SGIP1: variants seen among roughly 807,000 people sequenced by gnomAD.
SGIP1 encodes the protein SH3GL interacting endocytic adaptor 1, also known as SH3-containing GRB2-like protein 3-interacting protein 1.
Under a neutral mutation model 107.5 loss-of-function variants are expected in SGIP1, and 38 were observed. The ratio of observed to expected loss-of-function variants is 0.35; its 90% CI spans 0.27 to 0.46. The LOEUF (loss-of-function observed/expected upper bound fraction) is 0.46, where lower values mean the gene tolerates loss of function less well. SGIP1 is among the 20% of genes least tolerant of loss of function. SGIP1 has a pLI of 1.00. For missense variants in SGIP1, 929 were observed against 1,019.5 expected, an observed-to-expected ratio of 0.91 and a Z score of 1.21; for synonymous variants, 365 against 366.1, an observed-to-expected ratio of 1.00 and a Z score of 0.03.
chr1:66,560,709 T>C (rs2058807117), intron 1 of SGIP1, among the ~76,000 whole-genome samples: 1 of 152,084 alleles, frequency 6.6e-6, no homozygotes, highest in Admixed American at 6.6e-5. Context: ...TAAATGTTAC[T>C]TTTTAAAAAA....
intron 1 of SGIP1, among the ~76,000 whole-genome samples, chr1:66,574,111 C>T (rs944838890): frequency 2.0e-5 from 3 of 152,212 alleles, no homozygotes; most frequent in African/African-American, 4.8e-5. Flanking sequence ...GAGCCTCCCA[C>T]GCAGTCATTC....
chr1:66,683,187 T>G (rs1030336982), intron 15 of SGIP1, among the ~76,000 whole-genome samples: 32 of 152,318 alleles, frequency 2.1e-4, no homozygotes, highest in African/African-American at 7.7e-4. Flanking sequence ...TATCAATATT[T>G]TCAAATGCAT....
intron 1 of SGIP1, among the ~76,000 whole-genome samples, chr1:66,579,901 T>C (rs1157854021): frequency 6.6e-6 from 1 of 152,120 alleles, no homozygotes; most frequent in African/African-American, 2.4e-5. Flanking sequence ...ATTCCTGATT[T>C]CTCTCCATTT....
At chr1:66,658,102 C>G (rs575409240) in intron 7 of SGIP1, among the ~76,000 whole-genome samples, 1 of 151,990 alleles carries the variant, frequency 6.6e-6, no homozygotes, top group Non-Finnish European at 1.5e-5. Flanking sequence ...GAGGGGTAAC[C>G]TTTATCATTT....
At chr1:66,731,837 T>C (rs1162790818) in intron 20 of SGIP1, among the ~76,000 whole-genome samples, 1 of 152,226 alleles carries the variant, frequency 6.6e-6, no homozygotes, top group Non-Finnish European at 1.5e-5. Flanking sequence ...ACATTTCAGT[T>C]TGCAATCCCT....
intron 8 of SGIP1, among the ~76,000 whole-genome samples, chr1:66,661,163 G>A (rs966730945): frequency 5.3e-5 from 8 of 152,154 alleles, no homozygotes; most frequent in Non-Finnish European, 1.0e-4. Flanking sequence ...AGCAACACGA[G>A]GAACAGATTT....
At chr1:66,650,865 T>A (rs893181807) in intron 7 of SGIP1, among the ~76,000 whole-genome samples, 2 of 152,204 alleles carry the variant, frequency 1.3e-5, no homozygotes, top group Non-Finnish European at 2.9e-5. Context: ...GTCTTTTAAC[T>A]ACAAGCATTT....
intron 1 of SGIP1, among the ~76,000 whole-genome samples, chr1:66,608,681 C>T (rs1262231182): frequency 2.0e-5 from 3 of 152,122 alleles, no homozygotes; most frequent in Non-Finnish European, 4.4e-5. Flanking sequence ...TTTAACTTTG[C>T]CCCCTTGGCT....
intron 1 of SGIP1, among the ~76,000 whole-genome samples, chr1:66,620,085 C>CT (rs1462113872): frequency 6.6e-6 from 1 of 151,978 alleles, no homozygotes; most frequent in African/African-American, 2.4e-5. Context: ...TAATGGATCC[C>CT]TACAATTCCT....
chr1:66,722,955 A>C (rs2093608806), intron 19 of SGIP1, among the ~76,000 whole-genome samples: 1 of 152,198 alleles, frequency 6.6e-6, no homozygotes, highest in South Asian at 2.1e-4. Context: ...ATGTATATGG[A>C]ATCTGTTTTT....
At chr1:66,604,057 T>G (rs573388136) in intron 1 of SGIP1, among the ~76,000 whole-genome samples, 11 of 152,280 alleles carry the variant, frequency 7.2e-5, no homozygotes, top group African/African-American at 2.6e-4. Context: ...AGTTTATGAA[T>G]CCCCGTTATA....
chr1:66,566,670 G>T (rs572636778), intron 1 of SGIP1, among the ~76,000 whole-genome samples: 1 of 151,790 alleles, frequency 6.6e-6, no homozygotes, highest in Admixed American at 6.6e-5. Flanking sequence ...TATTGTTTTT[G>T]CCTTCCTCAG....
chr1:66,639,924 G>T (rs994243038), intron 5 of SGIP1, 91 bp downstream of exon 5: 5 of 1,007,436 alleles, frequency 5.0e-6, no homozygotes, highest in South Asian at 1.5e-5. Context: ...AGAAATAAGC[G>T]AAATGCTCTC....
chr1:66,638,067 T>A lies in SGIP1; in HGVS notation c.172-1710T>A, dbSNP rs562405514. On this transcript the variant is annotated intron_variant, in intron 4 of 24. Transcript: ENST00000371037. Reference sequence around the variant, plus strand: ...AATTCATGAGTTTACTTTTCTGGAATCTGCTTAGTCCTTTTGATCTCCTAT... The same window carrying A: ...AATTCATGAGTTTACTTTTCTGGAAACTGCTTAGTCCTTTTGATCTCCTAT... Among the ~76,000 whole-genome samples, 6 of 152,154 alleles carry A rather than the reference T, an allele frequency of 3.9e-5. No individual in the cohort carries two copies. In the East Asian group the frequency reaches 1.2e-3, roughly 29 times the overall value.
chr1:66,743,474 T>C lies in SGIP1; in HGVS notation c.*379T>C, dbSNP rs758568191. 4 of 158,024 alleles carry C rather than the reference T, an allele frequency of 2.5e-5. No individual in the cohort carries two copies. Among genetic ancestry groups the C allele is most frequent in the Non-Finnish European group, 4.2e-5 (3 of 71,374 alleles). The allele number at this position is 158,024 out of a possible 1,614,324, so 9.8% of individuals were successfully genotyped here. Reference sequence around the variant, plus strand: ...ATGGCACAATGCTTACAGAGGTAGATTGCATTTTGTCAATATATAAAATTT... The same window carrying C: ...ATGGCACAATGCTTACAGAGGTAGACTGCATTTTGTCAATATATAAAATTT... On this transcript the variant is annotated 3_prime_UTR_variant, in exon 25 of 25. Transcript: ENST00000371037.
At chr1:66,678,022 C>T (rs983098508) in intron 13 of SGIP1, among the ~76,000 whole-genome samples, 3 of 152,106 alleles carry the variant, frequency 2.0e-5, no homozygotes, top group African/African-American at 2.4e-5. Context: ...GCTATAAAGC[C>T]GTGTGATCTA....
chr1:66,617,097 A>C (rs2069527605), intron 1 of SGIP1, among the ~76,000 whole-genome samples: 1 of 152,250 alleles, frequency 6.6e-6, no homozygotes. Context: ...ATGTAGGTGA[A>C]GCATTCAGAC....
intron 7 of SGIP1, among the ~76,000 whole-genome samples, chr1:66,655,311 T>G (rs563682875): frequency 6.6e-6 from 1 of 152,108 alleles, no homozygotes; most frequent in South Asian, 2.1e-4. Context: ...TATTGTGACC[T>G]CCCTCAACAA....
At chr1:66,700,979 T>C (rs2091824115) in intron 18 of SGIP1, among the ~76,000 whole-genome samples, 1 of 152,222 alleles carries the variant, frequency 6.6e-6, no homozygotes, top group Non-Finnish European at 1.5e-5. Context: ...GCTACATTTT[T>C]TCTTTTTGGA....
Sources: gnomAD v4.1 joint callset for allele counts (sites outside exome capture counted in the v4.1 genomes callset) on GRCh38, gnomAD v4.1.1 for gene constraint, MANE v1.5 for transcripts, NCBI Gene and HGNC (gene_info 2026-07-23, HGNC 2026-07-21) for gene names.